The following PATL1 variants were observed in gnomAD, a reference collection of about 807,000 sequenced individuals.
PATL1 encodes PAT1 homolog 1, processing body mRNA decay factor.
PATL1 carries 32 observed loss-of-function variants against 100.6 expected under a neutral mutation model. The ratio of observed to expected loss-of-function variants is 0.32; its 90% CI spans 0.24 to 0.43. PATL1 has a LOEUF of 0.43. PATL1 is among the 20% of genes least tolerant of loss of function. The pLI is 1.00. For missense variants in PATL1, 747 were observed against 949.9 expected (o/e 0.79, Z 2.81); for synonymous variants, 332 against 330.0 (o/e 1.01, Z -0.07).
intron 16 of PATL1, 136 bp downstream of exon 16, chr11:59,642,744 A>G: frequency 1.5e-5 from 14 of 904,804 alleles, no homozygotes. Context: ...CTAGCCGGTT[A>G]CTAGGAGCTT....
At chr11:59,641,852 G>A (rs556588816) in intron 16 of PATL1, among the ~76,000 whole-genome samples, 22 of 152,204 alleles carry the variant, frequency 1.4e-4, no homozygotes, top group East Asian at 3.9e-4. Context: ...GGCACATTCC[G>A]GATCACTCCA....
At chr11:59,651,472 A>C in intron 12 of PATL1, 72 bp downstream of exon 12, 3 of 1,216,162 alleles carry the variant, frequency 2.5e-6, no homozygotes, top group Non-Finnish European at 3.6e-6. Context: ...GCCTGATCTC[A>C]TTCCATGGTG....
intron 6 of PATL1, 49 bp from the exon 7 acceptor site, chr11:59,656,094 G>T: frequency 9.1e-7 from 1 of 1,103,432 alleles, no homozygotes; most frequent in Non-Finnish European, 1.2e-6. Context: ...AAAACAGGGG[G>T]TACATCATAA....
intron 15 of PATL1, 52 bp downstream of exon 15, chr11:59,647,702 T>C (rs1466887340): frequency 1.9e-5 from 30 of 1,568,704 alleles, no homozygotes; most frequent in Non-Finnish European, 2.3e-5. Flanking sequence ...ATTCTAGAAA[T>C]CTTATCACTT....
At chr11:59,667,154 T>C in intron 1 of PATL1, 190 bp from the exon 2 acceptor site, 1 of 854,258 alleles carries the variant, frequency 1.2e-6, no homozygotes. Flanking sequence ...TCTTTCACTT[T>C]CTATTTCCTA....
At chr11:59,664,364 T>C (rs1938690) in intron 2 of PATL1, among the ~76,000 whole-genome samples, 25,980 of 152,114 alleles carry the variant, frequency 0.17, 4,069 homozygotes, top group African/African-American at 0.41. Context: ...AATGAGAAGG[T>C]ATGACTCTTC....
chr11:59,658,769 A>C, intron 4 of PATL1, 97 bp downstream of exon 4: 1 of 863,262 alleles, frequency 1.2e-6, no homozygotes. Context: ...CTAGCAAATG[A>C]AAGACCTATA....
chr11:59,653,475 GA>G (rs1191979442), intron 9 of PATL1, among the ~76,000 whole-genome samples: 1 of 152,074 alleles, frequency 6.6e-6, no homozygotes, highest in Non-Finnish European at 1.5e-5. Context: ...CAAATGCAGA[GA>G]AAAAGCCCAG....
rs1367179246 is a variant in PATL1, at chr11:59,656,615, A to G, written c.622-15T>C. 1.2e-6 allele frequency: 2 copies of G among 1,603,860 alleles called. No individual in the cohort carries two copies. The highest frequency in any genetic ancestry group is 1.7e-5 in the Admixed American group (1 of 59,964). On this transcript the variant is annotated splice_polypyrimidine_tract_variant and intron_variant, in intron 5 of 18. Coordinates refer to ENST00000300146, the MANE Select transcript of PATL1 (RefSeq NM_152716.3). ...GGACACAGAATCTATCAGGACAAAC[A>G]TATATACAACTACACTCAATGAAAT...
intron 13 of PATL1, 55 bp downstream of exon 13, chr11:59,650,699 T>C (rs757916175): frequency 1.0e-4 from 127 of 1,275,900 alleles, no homozygotes; most frequent in Admixed American, 2.7e-4. Context: ...AGTATATACA[T>C]ACATTTGACA....
At position 59,638,195 on chromosome 11, in the gene PATL1, C is replaced by A; in HGVS notation, c.*195G>T. The A allele has an allele frequency of 1.6e-6, 1 of 610,428 alleles. No individual in the cohort carries two copies. Among genetic ancestry groups the A allele is most frequent in the South Asian group, 2.0e-5 (1 of 49,722 alleles). 37.8% of individuals were successfully genotyped at this position (610,428 alleles called of 1,614,324 possible). A position where few individuals can be genotyped will look rare whatever the true frequency, so the allele number is the denominator to read the frequency against. On this transcript the variant is annotated 3_prime_UTR_variant, in exon 19 of 19. Transcript: ENST00000300146. ...GGTAAAGAAACCAGCAGAAGTATCA[C>A]CCAGCCAAATTTCATAGAGCAGTGG...
rs566436701 is a variant in PATL1 at position 59,655,607 on chromosome 11, C to T, written c.947G>A (p.Arg316His). 7.9e-5 allele frequency: 126 copies of T among 1,593,382 alleles called. No homozygotes were observed. Among genetic ancestry groups the T allele is most frequent in the South Asian group, 7.2e-4 (63 of 87,854 alleles). Residue 316 changes from arginine to histidine, a missense_variant, in exon 8 of 19, where the codon CGT becomes CAT. By Grantham distance (29) the Arg-to-His change is conservative (BLOSUM62 0). Around this residue, in one of 4 missense-constraint regions of PATL1, gnomAD observed 434 missense variants for 596.1 expected, o/e 0.73. Coordinates refer to ENST00000300146, the MANE Select transcript of PATL1 (RefSeq NM_152716.3). Reference protein sequence around the residue: ...GQMLPPAPGFRAFFSAPPSAT... With the variant: ...GQMLPPAPGFHAFFSAPPSAT... The stretch of plus-strand genomic sequence containing the variant: ...GGAGGGTGGAGCACTAAAGAAGGCA[C>T]GGAAGCCTGGTGCTGGGGGAAGCAT...
intron 4 of PATL1, among the ~76,000 whole-genome samples, chr11:59,658,511 T>C (rs975737376): frequency 6.6e-5 from 10 of 151,914 alleles, no homozygotes; most frequent in African/African-American, 2.4e-4. Flanking sequence ...TTAGTAAGGA[T>C]GGGGTTTCAC....
chr11:59,655,558 G>A lies in PATL1; in HGVS notation c.996C>T (p.His332=), dbSNP rs745954667. 1 of 1,587,370 alleles carries A rather than the reference G, an allele frequency of 6.3e-7. No homozygotes were observed. The highest frequency in any genetic ancestry group is 1.1e-5 in the South Asian group (1 of 87,166). The change falls in exon 8 of 19, where the codon CAC becomes CAT. Residue 332 remains histidine (H), a synonymous_variant. Transcript: ENST00000300146. ...GCAGGTGGGGTCCTGGGCCAGGAGG[G>A]TGCTGCTGTGGAGGTGGTGTAGCGG... The part of the protein sequence containing the change: ...PPSATPPPQQ[H]PPGPGPHLQN...
intron 3 of PATL1, 54 bp downstream of exon 3, chr11:59,659,198 C>G (rs1005101539): frequency 2.1e-6 from 3 of 1,457,794 alleles, no homozygotes; most frequent in Non-Finnish European, 2.8e-6. Flanking sequence ...AAGTTCAATA[C>G]TTCACTTTAA....
chr11:59,651,886 G>A (rs1371413423), intron 11 of PATL1, among the ~76,000 whole-genome samples: 3 of 151,296 alleles, frequency 2.0e-5, no homozygotes, highest in Admixed American at 1.3e-4. Context: ...CCAACATAGC[G>A]AAACCCCGTC....
intron 2 of PATL1, among the ~76,000 whole-genome samples, chr11:59,664,048 T>A (rs900770970): frequency 1.3e-5 from 2 of 152,186 alleles, no homozygotes; most frequent in Admixed American, 1.3e-4. Context: ...AGGGCTCACC[T>A]TTGGAAATCT....
intron 17 of PATL1, 43 bp from the exon 18 acceptor site, chr11:59,639,240 A>G (rs899491335): frequency 5.6e-6 from 9 of 1,595,934 alleles, no homozygotes; most frequent in African/African-American, 1.3e-5. Flanking sequence ...AAAAAAATTT[A>G]AAAGATTACC....
chr11:59,667,291 G>A (rs147117713), intron 1 of PATL1, among the ~76,000 whole-genome samples: 2 of 152,138 alleles, frequency 1.3e-5, no homozygotes, highest in Non-Finnish European at 2.9e-5. Flanking sequence ...TACATCACTG[G>A]TTGGAATACT....
Sources: gnomAD v4.1 joint callset for allele counts (sites outside exome capture counted in the v4.1 genomes callset) on GRCh38, gnomAD v4.1.1 for gene constraint, gnomAD v4.1.1 regional missense constraint, MANE v1.5 for transcripts, NCBI Gene and HGNC (gene_info 2026-07-23, HGNC 2026-07-21) for gene names.